The following XRRA1 variants were observed in gnomAD, a reference collection of about 807,000 sequenced individuals.
XRRA1 encodes X-ray radiation resistance-associated protein 1.
XRRA1 carries 69 observed loss-of-function variants against 80.2 expected under a neutral mutation model. That is an observed-to-expected ratio of 0.86 (90% CI 0.71 to 1.05). The LOEUF is 1.05. Ranked by LOEUF, XRRA1 falls within the 50% of genes least tolerant of loss-of-function variation. The pLI, the probability that XRRA1 is intolerant of heterozygous loss-of-function variation, is 0.00. For missense variants in XRRA1, 967 were observed against 976.4 expected, an observed-to-expected ratio of 0.99 and a Z score of 0.13; for synonymous variants, 348 against 389.9, an observed-to-expected ratio of 0.89 and a Z score of 1.27.
intron 1 of XRRA1, among the ~76,000 whole-genome samples, chr11:74,948,466 T>C (rs1948104259): frequency 6.6e-6 from 1 of 152,236 alleles, no homozygotes; most frequent in East Asian, 1.9e-4. Flanking sequence ...TAGTACAATA[T>C]TGGTGCTCAA....
At chr11:74,911,642 A>C (rs1433364071) in intron 8 of XRRA1, among the ~76,000 whole-genome samples, 1 of 152,202 alleles carries the variant, frequency 6.6e-6, no homozygotes, top group Non-Finnish European at 1.5e-5. Flanking sequence ...TCCTGGCCTA[A>C]AACGATCTTC....
chr11:74,877,708 C>T (rs1388029073), intron 10 of XRRA1, among the ~76,000 whole-genome samples: 38 of 148,548 alleles, frequency 2.6e-4, no homozygotes, highest in East Asian at 1.0e-3. Context: ...TGAGAATATG[C>T]GGTGTTTGGT....
chr11:74,908,273 CAACTTGCCTGAAGTCGCATAGCTA>C (rs1237222917), intron 8 of XRRA1, among the ~76,000 whole-genome samples: 1 of 152,180 alleles, frequency 6.6e-6, no homozygotes, highest in African/African-American at 2.4e-5. Context: ...AAGCTCAGAG[CAACTTGCCTGAAGTCGCATAGCTA>C]GAAAGTGGGA....
At chr11:74,933,685 G>A (rs1191504098) in intron 5 of XRRA1, 116 bp downstream of exon 5, 11 of 843,960 alleles carry the variant, frequency 1.3e-5, no homozygotes, top group Admixed American at 7.2e-5. Flanking sequence ...CTCCTTCTTC[G>A]TGACCAGATT....
intron 5 of XRRA1, among the ~76,000 whole-genome samples, chr11:74,932,033 T>C (rs890767465): frequency 2.0e-5 from 3 of 152,220 alleles, no homozygotes; most frequent in African/African-American, 4.8e-5. Context: ...GTTCCTCTTC[T>C]GTATACTAAC....
chr11:74,944,018 C>T (rs371551225), intron 2 of XRRA1, among the ~76,000 whole-genome samples: 61 of 152,162 alleles, frequency 4.0e-4, no homozygotes, highest in Non-Finnish European at 7.4e-4. Context: ...CACAGGGTTT[C>T]GCCATATTGC....
At chr11:74,870,167 C>T (rs1476339617) in intron 10 of XRRA1, among the ~76,000 whole-genome samples, 2 of 152,322 alleles carry the variant, frequency 1.3e-5, no homozygotes, top group South Asian at 2.1e-4. Context: ...AAGACTTAGA[C>T]AACAGGCTTG....
At chr11:74,854,012 CAA>C (rs901177334) in intron 12 of XRRA1, among the ~76,000 whole-genome samples, 15 of 151,916 alleles carry the variant, frequency 9.9e-5, no homozygotes, top group African/African-American at 3.6e-4. Context: ...TGGGGAGGTA[CAA>C]GAGAGAGAAG....
chr11:74,888,570 ATGACTT>A (rs1168236867), intron 10 of XRRA1, among the ~76,000 whole-genome samples: 1 of 152,256 alleles, frequency 6.6e-6, no homozygotes, highest in African/African-American at 2.4e-5. Context: ...TGGATGGAGA[ATGACTT>A]TGACGAGTTG....
At chr11:74,915,631 G>A (rs191231072) in intron 8 of XRRA1, among the ~76,000 whole-genome samples, 13 of 152,272 alleles carry the variant, frequency 8.5e-5, no homozygotes, top group Non-Finnish European at 1.5e-4. Context: ...TCCTTTACTA[G>A]ATTATAAATG....
intron 5 of XRRA1, 53 bp downstream of exon 5, chr11:74,933,748 G>T: frequency 6.6e-7 from 1 of 1,520,410 alleles, no homozygotes. Flanking sequence ...ACAGCCAGGT[G>T]CGCCACCTCA....
At chr11:74,905,610 ATTTGT>A (rs1322932970) in intron 10 of XRRA1, among the ~76,000 whole-genome samples, 1 of 151,738 alleles carries the variant, frequency 6.6e-6, no homozygotes, top group African/African-American at 2.4e-5. Context: ...GTGGTTTTTG[ATTTGT>A]TTTGTTTTTG....
At chr11:74,904,869 G>A (rs1591277242) in intron 10 of XRRA1, among the ~76,000 whole-genome samples, 1 of 123,792 alleles carries the variant, frequency 8.1e-6, no homozygotes, top group South Asian at 2.7e-4. Flanking sequence ...CCTAATAACA[G>A]AGAACCAAAC....
intron 10 of XRRA1, among the ~76,000 whole-genome samples, chr11:74,901,557 T>C (rs929079590): frequency 2.0e-5 from 3 of 152,154 alleles, no homozygotes; most frequent in Non-Finnish European, 2.9e-5. Flanking sequence ...AAAGCTACAG[T>C]AACCAAAACA....
intron 11 of XRRA1, among the ~76,000 whole-genome samples, chr11:74,862,730 C>A (rs1341518379): frequency 6.6e-6 from 1 of 152,144 alleles, no homozygotes; most frequent in Non-Finnish European, 1.5e-5. Flanking sequence ...TTAGACTAGG[C>A]AGGTAAGGTC....
intron 8 of XRRA1, among the ~76,000 whole-genome samples, chr11:74,920,565 A>G (rs1444091037): frequency 6.6e-6 from 1 of 152,250 alleles, no homozygotes; most frequent in Non-Finnish European, 1.5e-5. Flanking sequence ...GAAAATGTAC[A>G]GAATCTACAT....
At chr11:74,848,507 TTC>T in intron 14 of XRRA1, 45 bp from the exon 15 acceptor site, 1 of 1,522,094 alleles carries the variant, frequency 6.6e-7, no homozygotes, top group Non-Finnish European at 8.9e-7. Flanking sequence ...CTAATTAGGA[TTC>T]TCTCCTCCTG....
intron 4 of XRRA1, 26 bp downstream of exon 4, chr11:74,936,858 C>A (rs1945124594): frequency 6.2e-7 from 1 of 1,602,802 alleles, no homozygotes; most frequent in Non-Finnish European, 8.5e-7. Context: ...GATGTGCTGG[C>A]CACTCCAGGA....
chr11:74,848,734 C>G (rs868300862), intron 14 of XRRA1, among the ~76,000 whole-genome samples: 30 of 152,192 alleles, frequency 2.0e-4, no homozygotes, highest in Non-Finnish European at 3.5e-4. Flanking sequence ...AATGACCTGT[C>G]CAAGTCCCAG....
Sources: gnomAD v4.1 joint callset for allele counts (sites outside exome capture counted in the v4.1 genomes callset) on GRCh38, gnomAD v4.1.1 for gene constraint, MANE v1.5 for transcripts, NCBI Gene and HGNC (gene_info 2026-07-23, HGNC 2026-07-21) for gene names.